MYO5B: variants seen among roughly 807,000 people sequenced by gnomAD.
MYO5B encodes myosin VB.
In MYO5B, 143 loss-of-function variants were observed where a neutral mutation model predicts 229.3. That is an observed-to-expected ratio of 0.62 (90% confidence interval 0.54 to 0.72). MYO5B has a LOEUF of 0.72. Ranked by LOEUF, MYO5B falls within the 30% of genes least tolerant of loss-of-function variation. MYO5B has a pLI of 0.00. For synonymous variants in MYO5B, 918 were observed against 885.2 expected (o/e 1.04, Z -0.66); for missense variants, 2,321 against 2,331.0 (o/e 1.00, Z 0.09).
At chr18:50,113,142 C>T (rs2031896510) in intron 1 of MYO5B, among the ~76,000 whole-genome samples, 1 of 152,190 alleles carries the variant, frequency 6.6e-6, no homozygotes, top group Non-Finnish European at 1.5e-5. Context: ...GAGGAGGCAT[C>T]TTCTGTAGTT....
chr18:50,034,143 G>A (rs983471441), intron 4 of MYO5B, among the ~76,000 whole-genome samples: 5 of 152,196 alleles, frequency 3.3e-5, no homozygotes, highest in African/African-American at 1.2e-4. Flanking sequence ...TCACCCAGCT[G>A]TTAGGCAGGT....
rs372432070 is a variant in MYO5B, at chr18:49,902,815, C to T, written c.2590G>A (p.Ala864Thr). The change falls in exon 21 of 40, where the codon GCC (alanine) becomes ACC (threonine). Residue 864 changes from alanine to threonine, a missense_variant. Physicochemically the swap from Ala to Thr is moderately conservative, Grantham distance 58. Coordinates refer to ENST00000285039, the MANE Select transcript of MYO5B (RefSeq NM_001080467.3). ...TYRQVLMEHK[A>T]TTIQKHVRGW... ...CGCACGTGCTTCTGGATGGTGGTGG[C>T]CTTGTGCTCCATGAGGACCTGGCGG... 9.6e-5 allele frequency: 154 copies of T among 1,600,748 alleles called. No homozygotes were observed. The highest frequency in any genetic ancestry group is 2.2e-5 in the East Asian group (1 of 44,876).
chr18:49,998,935 C>T (rs1195925358), intron 5 of MYO5B, among the ~76,000 whole-genome samples: 1 of 152,086 alleles, frequency 6.6e-6, no homozygotes, highest in Non-Finnish European at 1.5e-5. Flanking sequence ...GATGGATGTA[C>T]AAACATCGTG....
At chr18:50,111,774 T>C (rs937694032) in intron 1 of MYO5B, among the ~76,000 whole-genome samples, 25 of 152,374 alleles carry the variant, frequency 1.6e-4, no homozygotes, top group African/African-American at 6.0e-4. Flanking sequence ...ACATTGGGAC[T>C]GGAATTTCTA....
chr18:50,053,648 A>G (rs1459465484), intron 2 of MYO5B, among the ~76,000 whole-genome samples: 1 of 146,658 alleles, frequency 6.8e-6, no homozygotes, highest in East Asian at 2.1e-4. Flanking sequence ...TACTAGGAAG[A>G]GGAATGTGAG....
intron 28 of MYO5B, 41 bp from the exon 29 acceptor site, chr18:49,863,368 T>C (rs774445123): frequency 7.0e-6 from 11 of 1,565,384 alleles, no homozygotes; most frequent in South Asian, 1.1e-5. Flanking sequence ...GGTTAAACAA[T>C]TGCCACAAAA....
chr18:49,918,648 C>G (rs919224313), intron 17 of MYO5B, among the ~76,000 whole-genome samples: 11 of 152,300 alleles, frequency 7.2e-5, no homozygotes, highest in South Asian at 2.1e-4. Context: ...ACTTTGTTCC[C>G]TACAAGGTCT....
At chr18:50,178,850 G>C (rs2033032819) in intron 1 of MYO5B, among the ~76,000 whole-genome samples, 2 of 152,190 alleles carry the variant, frequency 1.3e-5, no homozygotes, top group Non-Finnish European at 1.5e-5. Flanking sequence ...CCTGCTGAAA[G>C]GGGTTTGGTT....
intron 9 of MYO5B, among the ~76,000 whole-genome samples, chr18:49,979,943 G>A (rs1011990103): frequency 2.0e-5 from 3 of 152,164 alleles, no homozygotes; most frequent in Non-Finnish European, 4.4e-5. Context: ...GAGCCTTCAC[G>A]GAGCACTTGA....
At chr18:50,170,068 A>G (rs776426306) in intron 1 of MYO5B, among the ~76,000 whole-genome samples, 1 of 128,276 alleles carries the variant, frequency 7.8e-6, no homozygotes, top group Non-Finnish European at 1.7e-5. Flanking sequence ...ACAGAAGACT[A>G]TGATTCCATT....
chr18:50,062,702 C>T (rs1050672167), intron 1 of MYO5B, among the ~76,000 whole-genome samples: 25 of 152,154 alleles, frequency 1.6e-4, no homozygotes, highest in Admixed American at 1.2e-3. Context: ...GCCCAGACAC[C>T]GCATCCTGAA....
At position 50,134,179 on chromosome 18, in the gene MYO5B, T is replaced by A. The variant is rs188460674; in HGVS notation, c.27+60588A>T. On this transcript the variant is annotated intron_variant, in intron 1 of 39. Coordinates refer to ENST00000285039, the MANE Select transcript of MYO5B (RefSeq NM_001080467.3). ...CTTTGAATTTAACTACACAGATACA[T>A]TATCAAATAAATTTGTTGTTCAAAC... is the stretch of plus-strand genomic sequence containing the variant. Among the ~76,000 whole-genome samples, 333 of 152,234 alleles carry A rather than the reference T, an allele frequency of 2.2e-3. 1 individual carries two copies. The highest frequency in any genetic ancestry group is 3.4e-3 in the Non-Finnish European group (231 of 68,006).
chr18:50,043,347 TATATA>T (rs1201158412), intron 2 of MYO5B, among the ~76,000 whole-genome samples: 2 of 89,738 alleles, frequency 2.2e-5, no homozygotes, highest in Non-Finnish European at 4.3e-5. Context: ...ATTTATATTA[TATATA>T]ATATAAATAT....
Position 49,837,498 on chromosome 18 carries a change from G to T in MYO5B, c.5138+19C>A. On this transcript the variant is annotated intron_variant, in intron 37 of 39. Coordinates refer to ENST00000285039, the MANE Select transcript of MYO5B (RefSeq NM_001080467.3). ...AGGGCCCACTCTATCTGTGTTGTTG[G>T]GGGGTGCTCCTCCCTTACCTGAGTT... 6.2e-7 allele frequency: 1 copy of T among 1,613,450 alleles called. No homozygotes were observed. Among genetic ancestry groups the T allele is most frequent in the Non-Finnish European group, 8.5e-7 (1 of 1,179,778 alleles).
chr18:50,134,527 C>G (rs908160363), intron 1 of MYO5B, among the ~76,000 whole-genome samples: 19 of 151,230 alleles, frequency 1.3e-4, no homozygotes, highest in Non-Finnish European at 7.4e-5. Flanking sequence ...TGCACTCCAG[C>G]CTGGGCGATA....
chr18:49,962,216 G>T, intron 12 of MYO5B, 50 bp downstream of exon 12: 2 of 1,605,766 alleles, frequency 1.2e-6, no homozygotes, highest in Non-Finnish European at 1.7e-6. Context: ...TGATTTCCTT[G>T]TATCACATCC....
chr18:50,021,053 A>C (rs116701598), intron 4 of MYO5B, among the ~76,000 whole-genome samples: 1,822 of 152,282 alleles, frequency 0.012, 30 homozygotes, highest in African/African-American at 0.042. Flanking sequence ...TGGTGTAGCA[A>C]ACCTATGAAA....
chr18:49,959,400 G>A (rs567932533), intron 12 of MYO5B, among the ~76,000 whole-genome samples: 37 of 152,322 alleles, frequency 2.4e-4, no homozygotes, highest in African/African-American at 5.8e-4. Context: ...ACACGAAAGC[G>A]CTAGACAAGG....
chr18:50,089,807 C>A (rs966413710), intron 1 of MYO5B, among the ~76,000 whole-genome samples: 1 of 152,166 alleles, frequency 6.6e-6, no homozygotes, highest in African/African-American at 2.4e-5. Flanking sequence ...ATTCCCTGGG[C>A]CTTTGTGCCC....
Sources: gnomAD v4.1 joint callset for allele counts (sites outside exome capture counted in the v4.1 genomes callset) on GRCh38, gnomAD v4.1.1 for gene constraint, MANE v1.5 for transcripts, NCBI Gene and HGNC (gene_info 2026-07-23, HGNC 2026-07-21) for gene names.